Variants in CCDC170 observed in about 807,000 individuals in gnomAD.
CCDC170 encodes the protein coiled-coil domain-containing protein 170.
In CCDC170, 69 loss-of-function variants were observed where a neutral mutation model predicts 72.6. The observed-to-expected ratio is 0.95, with a 90% CI of 0.78 to 1.16. The LOEUF (loss-of-function observed/expected upper bound fraction) is 1.16. Among genes scored for constraint, CCDC170 ranks in the 50% most tolerant of loss-of-function variants. The pLI, the probability that CCDC170 is intolerant of heterozygous loss-of-function variation, is 0.00. For synonymous variants in CCDC170, 300 were observed against 303.9 expected (o/e 0.99, Z 0.13); for missense variants, 852 against 832.5 (o/e 1.02, Z -0.29).
intron 1 of CCDC170, among the ~76,000 whole-genome samples, chr6:151,501,310 G>C (rs1012636316): frequency 1.3e-5 from 2 of 151,798 alleles, no homozygotes; most frequent in Non-Finnish European, 2.9e-5. Flanking sequence ...CTAGAAAAAG[G>C]ACATTAGTGA....
chr6:151,614,122 C>T (rs1583052747), intron 9 of CCDC170, among the ~76,000 whole-genome samples: 2 of 151,910 alleles, frequency 1.3e-5, no homozygotes, highest in East Asian at 1.9e-4. Context: ...ATAAAAATAA[C>T]ATAATATATA....
chr6:151,541,491 A>G (rs1388084301), intron 3 of CCDC170, among the ~76,000 whole-genome samples: 1 of 152,068 alleles, frequency 6.6e-6, no homozygotes, highest in Non-Finnish European at 1.5e-5. Flanking sequence ...AGCTGGGACT[A>G]CAGGTGCACA....
At chr6:151,583,958 A>C (rs1221959472) in intron 6 of CCDC170, among the ~76,000 whole-genome samples, 2 of 152,250 alleles carry the variant, frequency 1.3e-5, no homozygotes, top group Non-Finnish European at 2.9e-5. Context: ...CACCCCAAAC[A>C]CTGCAATAGT....
intron 6 of CCDC170, among the ~76,000 whole-genome samples, chr6:151,575,057 C>G (rs1040871506): frequency 1.3e-5 from 2 of 152,176 alleles, no homozygotes; most frequent in Non-Finnish European, 2.9e-5. Context: ...CAAGAACTCT[C>G]TTTCTCTATA....
chr6:151,547,077 A>T (rs1157097024), intron 4 of CCDC170, among the ~76,000 whole-genome samples: 2 of 152,096 alleles, frequency 1.3e-5, no homozygotes, highest in East Asian at 3.9e-4. Context: ...TTCCTCCAAG[A>T]ACAAAATGGC....
intron 4 of CCDC170, among the ~76,000 whole-genome samples, chr6:151,547,965 T>C (rs1463963382): frequency 6.6e-6 from 1 of 152,242 alleles, no homozygotes; most frequent in East Asian, 1.9e-4. Flanking sequence ...TGAGTGGACA[T>C]GGGCTGAAGG....
chr6:151,527,923 CAACTA>C (rs1430697243), intron 1 of CCDC170, among the ~76,000 whole-genome samples: 2 of 152,070 alleles, frequency 1.3e-5, no homozygotes, highest in Non-Finnish European at 2.9e-5. Context: ...GATAATAAGA[CAACTA>C]AATACCATAG....
chr6:151,581,525 G>A (rs889738232), intron 6 of CCDC170, among the ~76,000 whole-genome samples: 2 of 152,132 alleles, frequency 1.3e-5, no homozygotes, highest in Non-Finnish European at 2.9e-5. Context: ...TTCCTCCACT[G>A]AAGTCCTGAA....
intron 3 of CCDC170, among the ~76,000 whole-genome samples, chr6:151,538,976 G>A (rs540759403): frequency 6.6e-6 from 1 of 152,074 alleles, no homozygotes; most frequent in African/African-American, 2.4e-5. Flanking sequence ...AACATTGTAT[G>A]TATGGCCGGG....
intron 1 of CCDC170, among the ~76,000 whole-genome samples, chr6:151,526,579 G>C (rs769628722): frequency 7.4e-5 from 11 of 148,372 alleles, no homozygotes; most frequent in African/African-American, 1.3e-4. Context: ...GCAGTGGTGC[G>C]ATCTTGTCTC....
chr6:151,558,468 T>A (rs1783024422), intron 5 of CCDC170, among the ~76,000 whole-genome samples: 1 of 152,160 alleles, frequency 6.6e-6, no homozygotes, highest in African/African-American at 2.4e-5. Context: ...CCTAAAATAT[T>A]TTCCTAGCCA....
rs1776534194 is a variant in CCDC170, at chr6:151,591,502, T to C, written c.1294-1605T>C. Among the ~76,000 whole-genome samples the C allele has an allele frequency of 2.0e-5, 3 of 149,846 alleles. No individual in the cohort carries two copies. The South Asian group carries it at 6.3e-4, about 31-fold the overall frequency. ...ATTTAACTTGGATGCATTAAACAAT[T>C]TTTTTTTTTTGAGGCGGAGTCTTGC... On this transcript the variant is annotated intron_variant, in intron 7 of 10. Transcript: ENST00000239374.
chr6:151,550,118 TA>T (rs1216519103), intron 5 of CCDC170, among the ~76,000 whole-genome samples: 3 of 152,272 alleles, frequency 2.0e-5, no homozygotes, highest in Non-Finnish European at 4.4e-5. Flanking sequence ...ATGTATTTTT[TA>T]ACATTGTATA....
chr6:151,520,317 C>T (rs1289547790), intron 1 of CCDC170, among the ~76,000 whole-genome samples: 2 of 152,294 alleles, frequency 1.3e-5, no homozygotes, highest in South Asian at 2.1e-4. Context: ...GAACTGTGAT[C>T]GGCAAAGATG....
At chr6:151,556,947 T>C (rs1257333003) in intron 5 of CCDC170, among the ~76,000 whole-genome samples, 6 of 152,188 alleles carry the variant, frequency 3.9e-5, no homozygotes, top group African/African-American at 1.4e-4. Flanking sequence ...ATGAGTCAAC[T>C]CTTTTAGTTC....
chr6:151,513,552 G>C (rs1332621777), intron 1 of CCDC170, among the ~76,000 whole-genome samples: 1 of 135,564 alleles, frequency 7.4e-6, no homozygotes, highest in East Asian at 2.3e-4. Flanking sequence ...AGAGGTTGCA[G>C]TAAGCCGAGA....
chr6:151,596,610 T>C, intron 9 of CCDC170, 33 bp downstream of exon 9: 1 of 1,609,490 alleles, frequency 6.2e-7, no homozygotes, highest in Non-Finnish European at 8.5e-7. Flanking sequence ...TTGTTGCTTT[T>C]TGCTGGTTAC....
intron 6 of CCDC170, among the ~76,000 whole-genome samples, chr6:151,578,113 G>A (rs1047059208): frequency 1.6e-4 from 25 of 152,150 alleles, no homozygotes; most frequent in African/African-American, 4.6e-4. Context: ...CATTTGGGAC[G>A]TTTCATTATC....
intron 9 of CCDC170, among the ~76,000 whole-genome samples, chr6:151,612,763 A>AG (rs1347629448): frequency 6.6e-6 from 1 of 152,112 alleles, no homozygotes; most frequent in South Asian, 2.1e-4. Context: ...AAGGGATGGG[A>AG]GGGAAGGAAG....
Sources: allele counts gnomAD v4.1 joint callset (sites outside exome capture counted in the v4.1 genomes callset), GRCh38; gene constraint gnomAD v4.1.1; transcripts MANE v1.5; gene names NCBI Gene and HGNC (gene_info 2026-07-23, HGNC 2026-07-21).